Variants in TTC7A observed in about 807,000 individuals in gnomAD.
TTC7A encodes tetratricopeptide repeat domain 7A.
TTC7A carries 110 observed loss-of-function variants against 103.7 expected under a neutral mutation model. That is an observed-to-expected ratio of 1.06 (90% CI 0.91 to 1.24). The LOEUF is 1.24. Ranked by LOEUF, TTC7A falls within the 50% of genes most tolerant of loss-of-function variation. TTC7A has a pLI of 0.00. For missense variants in TTC7A, 1,340 were observed against 1,116.3 expected, an observed-to-expected ratio of 1.20 and a Z score of -2.86; for synonymous variants, 521 against 467.9, an observed-to-expected ratio of 1.11 and a Z score of -1.47.
intron 8 of TTC7A, among the ~76,000 whole-genome samples, chr2:46,997,223 C>A (rs1676298430): frequency 6.6e-6 from 1 of 152,112 alleles, no homozygotes; most frequent in Non-Finnish European, 1.5e-5. Flanking sequence ...AGGTGATCCA[C>A]CTGCCTCAGC....
intron 5 of TTC7A, among the ~76,000 whole-genome samples, chr2:46,983,770 G>A (rs1166803729): frequency 6.6e-6 from 1 of 152,216 alleles, no homozygotes; most frequent in Non-Finnish European, 1.5e-5. Context: ...TTATGGGAAA[G>A]TCTGTAAAAT....
intron 2 of TTC7A, among the ~76,000 whole-genome samples, chr2:46,933,046 G>A (rs1330491083): frequency 1.3e-5 from 2 of 150,728 alleles, no homozygotes; most frequent in South Asian, 2.1e-4. Context: ...AAAAGGCTCT[G>A]AGCCCTTGTG....
In TTC7A at chr2:47,006,773, C is replaced by G. The variant is rs1263668601; in HGVS notation, c.1287+49C>G. 4.2e-6 allele frequency: 6 copies of G among 1,438,488 alleles called. No homozygotes were observed. The Admixed American group carries it at 5.0e-5, about 12-fold the overall frequency. 89.1% of individuals were successfully genotyped at this position (1,438,488 alleles called of 1,614,324 possible). A position where few individuals can be genotyped will look rare whatever the true frequency, so the allele number is the denominator to read the frequency against. ...GTTGCACACTCACCCGCAGGGGGCT[C>G]TGCTGAGATGGACAGAGGGGCTTTT... is the stretch of plus-strand genomic sequence containing the variant. On this transcript the variant is annotated intron_variant, in intron 10 of 19. Coordinates refer to ENST00000319190, the MANE Select transcript of TTC7A (RefSeq NM_020458.4).
chr2:46,962,428 A>G (rs370885923), intron 3 of TTC7A, among the ~76,000 whole-genome samples: 14 of 152,128 alleles, frequency 9.2e-5, no homozygotes, highest in African/African-American at 3.4e-4. Context: ...TTGCAGTTGT[A>G]TCCCCCAAGG....
chr2:46,995,750 T>C (rs943565321), intron 8 of TTC7A, among the ~76,000 whole-genome samples: 2 of 152,246 alleles, frequency 1.3e-5, no homozygotes, highest in African/African-American at 4.8e-5. Flanking sequence ...CAGCTATTTA[T>C]TGAGCATCTA....
At chr2:46,915,892 G>A (rs1668750567), upstream of TTC7A, 1 of 982,390 alleles carries the variant, frequency 1.0e-6, no homozygotes, top group Non-Finnish European at 1.2e-6. Flanking sequence ...CCCTCCCGCT[G>A]GCGGCGGCGG....
intron 3 of TTC7A, among the ~76,000 whole-genome samples, chr2:46,959,018 G>A (rs747389202): frequency 1.1e-4 from 16 of 152,150 alleles, no homozygotes; most frequent in Non-Finnish European, 2.9e-5. Flanking sequence ...TCTATGTCGC[G>A]GATGAGGAGT....
At chr2:46,978,466 C>T (rs1320318814) in intron 4 of TTC7A, among the ~76,000 whole-genome samples, 1 of 151,900 alleles carries the variant, frequency 6.6e-6, no homozygotes, top group Non-Finnish European at 1.5e-5. Flanking sequence ...GTGGTTCATG[C>T]CTGTAATCCC....
At chr2:47,073,030 C>T (rs1684902438) in intron 19 of TTC7A, among the ~76,000 whole-genome samples, 1 of 152,180 alleles carries the variant, frequency 6.6e-6, no homozygotes. Flanking sequence ...GGCCTTTCAT[C>T]TTTCAGCCAA....
chr2:47,038,534 A>G (rs540143002), intron 15 of TTC7A, among the ~76,000 whole-genome samples: 11 of 152,328 alleles, frequency 7.2e-5, no homozygotes, highest in Middle Eastern at 3.4e-3. Flanking sequence ...CTCTTCATTA[A>G]AACAGCTCAG....
At chr2:46,938,181 A>G (rs1282840084), upstream of TTC7A, among the ~76,000 whole-genome samples, 2 of 152,210 alleles carry the variant, frequency 1.3e-5, no homozygotes, top group Non-Finnish European at 2.9e-5. Context: ...AAAGAAAAAG[A>G]AAAAAGCAAA....
chr2:47,036,693 C>T (rs1681141914), intron 15 of TTC7A, among the ~76,000 whole-genome samples: 1 of 152,138 alleles, frequency 6.6e-6, no homozygotes, highest in African/African-American at 2.4e-5. Context: ...CTCGTCTGTA[C>T]AAAAAATTTT....
At chr2:46,999,477 C>G in intron 8 of TTC7A, 2 of 985,372 alleles carry the variant, frequency 2.0e-6, no homozygotes, top group Non-Finnish European at 1.2e-6. Flanking sequence ...TCCATCTAAT[C>G]TTATTCAAGG....
At chr2:47,029,412 TG>T in intron 15 of TTC7A, 28 bp downstream of exon 15, 1 of 1,611,396 alleles carries the variant, frequency 6.2e-7, no homozygotes, top group Non-Finnish European at 8.5e-7. Flanking sequence ...ACTCTGGCAG[TG>T]GGGGAGCTGG....
chr2:47,055,940 GC>G (rs56796013), intron 18 of TTC7A, among the ~76,000 whole-genome samples: 24,617 of 152,026 alleles, frequency 0.16, 3,137 homozygotes, highest in East Asian at 0.59. Context: ...CATCCTTCCT[GC>G]CCCCCTCCTG....
intron 8 of TTC7A, chr2:46,999,667 T>C (rs1572863698): frequency 2.0e-6 from 2 of 985,458 alleles, no homozygotes; most frequent in Non-Finnish European, 1.2e-6. Context: ...CGTAAATTCT[T>C]GTTTTTGAAA....
chr2:46,916,147 C>T, upstream of TTC7A: 1 of 985,540 alleles, frequency 1.0e-6, no homozygotes, highest in Non-Finnish European at 1.2e-6. Flanking sequence ...CTCCCAACTC[C>T]GCTCACCCCC....
In TTC7A at chr2:47,048,359, G is replaced by A. The variant is rs117306084; in HGVS notation, c.1920-1590G>A. 2.0e-4 allele frequency among the ~76,000 whole-genome samples: 30 copies of A among 152,292 alleles called. No homozygotes were observed. The East Asian group carries it at 5.2e-3, about 26-fold the overall frequency. On this transcript the variant is annotated intron_variant, in intron 16 of 19. Coordinates refer to ENST00000319190, the MANE Select transcript of TTC7A (RefSeq NM_020458.4). ...GGAGCCCTAGGAAAGGCCCCTTCACGGGATGGGAGAAAGAGTAGGATGGGA... is the reference window on the plus strand; with the variant it reads ...GGAGCCCTAGGAAAGGCCCCTTCACAGGATGGGAGAAAGAGTAGGATGGGA...
At chr2:47,069,441 C>G (rs1441812481) in intron 19 of TTC7A, among the ~76,000 whole-genome samples, 1 of 152,140 alleles carries the variant, frequency 6.6e-6, no homozygotes, top group Non-Finnish European at 1.5e-5. Flanking sequence ...CTAGGTTGGG[C>G]TCCTTGTGAG....
Sources: allele counts gnomAD v4.1 joint callset (sites outside exome capture counted in the v4.1 genomes callset), GRCh38; gene constraint gnomAD v4.1.1; transcripts MANE v1.5; gene names NCBI Gene and HGNC (gene_info 2026-07-23, HGNC 2026-07-21).